The following GCLC variants were observed in gnomAD, a reference collection of about 807,000 sequenced individuals.
The protein encoded by GCLC is glutamate-cysteine ligase catalytic subunit, also known as glutamate--cysteine ligase catalytic subunit.
A neutral mutation model predicts 81.5 loss-of-function variants in GCLC; 30 were observed. The ratio of observed to expected loss-of-function variants is 0.37; its 90% CI spans 0.28 to 0.50. The LOEUF (loss-of-function observed/expected upper bound fraction) is 0.50, where lower values mean the gene tolerates loss of function less well. GCLC is among the 20% of genes least tolerant of loss of function. The pLI is 0.96. For synonymous variants in GCLC, 262 were observed against 273.3 expected (o/e 0.96, Z 0.41); for missense variants, 556 against 777.4 (o/e 0.72, Z 3.39).
rs189987995 is a variant in GCLC at position 53,541,905 on chromosome 6, T to C, written c.150+2591A>G. The stretch of plus-strand genomic sequence containing the variant: ...GGGGTAGGGGGCTAGGGTCTCACTG[T>C]CACCCAGACTAGAGTGCAGTTGAAC... On this transcript the variant is annotated intron_variant, in intron 1 of 15. Transcript: ENST00000650454. Among the ~76,000 whole-genome samples the C allele has an allele frequency of 1.0e-3, 155 of 152,308 alleles. 2 individuals carry two copies. Among genetic ancestry groups the C allele is most frequent in the African/African-American group, 3.4e-3 (140 of 41,546 alleles).
intron 6 of GCLC, among the ~76,000 whole-genome samples, chr6:53,511,859 T>A (rs1764752978): frequency 8.8e-6 from 1 of 114,110 alleles, no homozygotes; most frequent in South Asian, 3.2e-4. Context: ...ACATCTAATC[T>A]AAACTTTATC....
At position 53,520,946 on chromosome 6, in the gene GCLC, C is replaced by T; in HGVS notation, c.278G>A (p.Trp93Ter). The change falls in exon 3 of 16, where the codon TGG becomes TAG. Residue 93 changes from tryptophan to a stop codon, truncating the protein, a stop_gained. Transcript: ENST00000650454. LOFTEE classifies it high-confidence loss of function. Reference sequence around the variant, plus strand: ...CATGTAACTCCCATACTCTGGTCTCCAAAGGGTAGGATGGCTACGGAGGAG... The same window carrying T: ...CATGTAACTCCCATACTCTGGTCTCTAAAGGGTAGGATGGCTACGGAGGAG... ...ERTNPNHPTL[W>*]RPEYGSYMIE... 1 of 1,613,202 alleles carries T rather than the reference C, an allele frequency of 6.2e-7. No individual in the cohort carries two copies. The highest frequency in any genetic ancestry group is 8.5e-7 in the Non-Finnish European group (1 of 1,179,126).
intron 1 of GCLC, among the ~76,000 whole-genome samples, chr6:53,540,337 A>G (rs938306942): frequency 6.6e-6 from 1 of 151,872 alleles, no homozygotes; most frequent in African/African-American, 2.4e-5. Context: ...AAGAAAAAAA[A>G]AAAGAAAATC....
intron 1 of GCLC, among the ~76,000 whole-genome samples, chr6:53,535,935 T>C (rs1763249757): frequency 6.6e-6 from 1 of 152,220 alleles, no homozygotes; most frequent in Admixed American, 6.5e-5. Flanking sequence ...AACAACACGC[T>C]ACTCCTAGGG....
chr6:53,531,791 C>T (rs1383733924), intron 1 of GCLC, among the ~76,000 whole-genome samples: 1 of 152,226 alleles, frequency 6.6e-6, no homozygotes, highest in Non-Finnish European at 1.5e-5. Context: ...CACCCTGGTG[C>T]CTCCTAAAGT....
intron 1 of GCLC, among the ~76,000 whole-genome samples, chr6:53,527,693 G>T (rs1007807354): frequency 6.6e-6 from 1 of 152,234 alleles, no homozygotes; most frequent in African/African-American, 2.4e-5. Flanking sequence ...CTGTGCATAT[G>T]TAACAGCACA....
intron 1 of GCLC, among the ~76,000 whole-genome samples, chr6:53,542,399 G>T (rs1000701065): frequency 6.6e-6 from 1 of 152,102 alleles, no homozygotes. Context: ...GTACTTCAAG[G>T]CTCTACTCTT....
intron 6 of GCLC, among the ~76,000 whole-genome samples, chr6:53,512,377 T>C (rs1275011594): frequency 6.6e-6 from 1 of 152,186 alleles, no homozygotes; most frequent in Non-Finnish European, 1.5e-5. Flanking sequence ...AAACTATTTT[T>C]TCTACTTTAC....
chr6:53,524,727 C>T (rs1763052661), intron 1 of GCLC, among the ~76,000 whole-genome samples: 1 of 152,236 alleles, frequency 6.6e-6, no homozygotes, highest in Admixed American at 6.5e-5. Context: ...CTAAGAGATA[C>T]TTCCTTGCTT....
rs1168118433 is a variant in GCLC, at chr6:53,520,931, C to T, written c.293G>A (p.Gly98Glu). ...TGGTGTCCCTTCAATCATGTAACTC[C>T]CATACTCTGGTCTCCAAAGGGTAGG... ...NHPTLWRPEY[G>E]SYMIEGTPGQ... The change falls in exon 3 of 16, where the codon GGG becomes GAG. Residue 98 changes from glycine to glutamate, a missense_variant. Gly to Glu is a moderately conservative substitution (Grantham distance 98). Around this residue, in one of 3 missense-constraint regions of GCLC, gnomAD observed 234 missense variants for 303.8 expected, o/e 0.77. Transcript: ENST00000650454. 6.2e-7 allele frequency: 1 copy of T among 1,613,850 alleles called. No homozygotes were observed. Among genetic ancestry groups the T allele is most frequent in the Admixed American group, 1.7e-5 (1 of 60,036 alleles).
intron 1 of GCLC, among the ~76,000 whole-genome samples, chr6:53,541,381 C>T (rs971958396): frequency 3.9e-5 from 6 of 152,112 alleles, no homozygotes; most frequent in Non-Finnish European, 8.8e-5. Context: ...TCTTTAATCA[C>T]CTAGGCAGTC....
In GCLC at chr6:53,500,947, G is replaced by A. The variant is rs17883994; in HGVS notation, c.1396-434C>T. On this transcript the variant is annotated intron_variant, in intron 12 of 15. Coordinates refer to ENST00000650454, the MANE Select transcript of GCLC (RefSeq NM_001498.4). ...TTCTGTTTTTTTGAGATGGAGTCTCGCTCTGTTGCCCAGGTTGGAGTGCAG... is the reference window on the plus strand; with the variant it reads ...TTCTGTTTTTTTGAGATGGAGTCTCACTCTGTTGCCCAGGTTGGAGTGCAG... The A allele has an allele frequency of 3.8e-3, 1,115 of 296,942 alleles. 18 individuals are homozygous for A. Among genetic ancestry groups the A allele is most frequent in the African/African-American group, 0.023 (1,035 of 45,274 alleles). The allele number at this position is 296,942 out of a possible 1,614,324, so 18.4% of individuals were successfully genotyped here. A position where few individuals can be genotyped will look rare whatever the true frequency, so the allele number is the denominator to read the frequency against.
At chr6:53,530,094 A>C (rs1763147102) in intron 1 of GCLC, among the ~76,000 whole-genome samples, 1 of 152,252 alleles carries the variant, frequency 6.6e-6, no homozygotes, top group South Asian at 2.1e-4. Context: ...GAGAGAAAAA[A>C]GAGAGTTTTC....
rs771506559 is a variant in GCLC at position 53,514,207 on chromosome 6, G to C, written c.750C>G (p.Leu250=). ...CTCTGTATATTTGAAACTATACCTG[G>C]AGACAGCAATTGCCCATTCCAAATC... The part of the protein sequence containing the change: ...AMGFGMGNCC[L]QVTFQACSIS... Residue 250 remains leucine (L), a synonymous_variant, in exon 6 of 16, where the codon CTC becomes CTG. Coordinates refer to ENST00000650454, the MANE Select transcript of GCLC (RefSeq NM_001498.4). 5 of 1,613,928 alleles carry C rather than the reference G, an allele frequency of 3.1e-6. No homozygotes were observed. The highest frequency in any genetic ancestry group is 1.7e-4 in the Middle Eastern group (1 of 6,060).
At position 53,505,902 on chromosome 6, in the gene GCLC, T is replaced by C. The variant is rs2127620423; in HGVS notation, c.1198-7A>G. The stretch of plus-strand genomic sequence containing the variant: ...AATTTGTGGACTGAATATTCTGTGA[T>C]ACAAAAGCAGAGAAGAAAACCAACT... On this transcript the variant is annotated splice_polypyrimidine_tract_variant and splice_region_variant and intron_variant, in intron 10 of 15. Transcript: ENST00000650454. 1 of 1,575,994 alleles carries C rather than the reference T, an allele frequency of 6.3e-7. No homozygotes were observed. The highest frequency in any genetic ancestry group is 8.7e-7 in the Non-Finnish European group (1 of 1,145,290).
At chr6:53,540,667 C>CCACACACACACACA (rs35480206) in intron 1 of GCLC, among the ~76,000 whole-genome samples, 42 of 143,916 alleles carry the variant, frequency 2.9e-4, no homozygotes, top group East Asian at 2.7e-3. Context: ...AAGTGTCTTG[C>CCACACACACACACA]CACACACACA....
intron 8 of GCLC, 114 bp downstream of exon 8, chr6:53,508,481 T>A (rs781414040): frequency 5.1e-6 from 4 of 777,726 alleles, no homozygotes; most frequent in Non-Finnish European, 9.4e-6. Context: ...ACCAAATCTT[T>A]TTCCCCATTT....
Position 53,509,163 on chromosome 6 carries a change from A to T in GCLC, c.828+13T>A. ...CGAAGTAGTATTTAAAATAAGAGGT[A>T]ATTTCTACTTACAACAATTGGACAG... On this transcript the variant is annotated intron_variant, in intron 7 of 15. Coordinates refer to ENST00000650454, the MANE Select transcript of GCLC (RefSeq NM_001498.4). The T allele has an allele frequency of 6.9e-7, 1 of 1,447,572 alleles. No homozygotes were observed. The allele number at this position is 1,447,572 out of a possible 1,614,324, so 89.7% of individuals were successfully genotyped here.
chr6:53,511,472 C>T (rs544735546), intron 6 of GCLC, among the ~76,000 whole-genome samples: 34 of 152,062 alleles, frequency 2.2e-4, no homozygotes, highest in African/African-American at 8.0e-4. Flanking sequence ...GGTTTTCTTT[C>T]CAGTTTTTCA....
Sources: gnomAD v4.1 joint callset for allele counts (sites outside exome capture counted in the v4.1 genomes callset) on GRCh38, gnomAD v4.1.1 for gene constraint, gnomAD v4.1.1 regional missense constraint, MANE v1.5 for transcripts, NCBI Gene and HGNC (gene_info 2026-07-23, HGNC 2026-07-21) for gene names.